The following PPP2R2B variants were observed in gnomAD, a reference collection of about 807,000 sequenced individuals.
PPP2R2B encodes serine/threonine-protein phosphatase 2A 55 kDa regulatory subunit B beta isoform.
A neutral mutation model predicts 46.0 loss-of-function variants in PPP2R2B; 5 were observed. The ratio of observed to expected loss-of-function variants is 0.11; its 90% CI spans 0.06 to 0.23. PPP2R2B has a LOEUF of 0.23. Among genes scored for constraint, PPP2R2B ranks in the 10% least tolerant of loss-of-function variants. PPP2R2B has a pLI of 1.00. For missense variants in PPP2R2B, 367 were observed against 575.0 expected (o/e 0.64, Z 3.70); for synonymous variants, 215 against 206.7 (o/e 1.04, Z -0.34).
At chr5:147,074,845 C>T (rs1056810817) in intron 2 of PPP2R2B, among the ~76,000 whole-genome samples, 24 of 152,234 alleles carry the variant, frequency 1.6e-4, no homozygotes, top group Non-Finnish European at 2.6e-4. Context: ...TAGAGTACCT[C>T]ATCCTTCCCT....
chr5:146,740,407 G>C (rs1402117391), intron 2 of PPP2R2B, among the ~76,000 whole-genome samples: 2 of 152,134 alleles, frequency 1.3e-5, no homozygotes, highest in Non-Finnish European at 2.9e-5. Context: ...TAAATAAGGA[G>C]CTTTGAAACC....
intron 2 of PPP2R2B, among the ~76,000 whole-genome samples, chr5:146,868,075 A>G (rs1048489667): frequency 6.6e-6 from 1 of 152,348 alleles, no homozygotes; most frequent in East Asian, 1.9e-4. Flanking sequence ...GTGTGGCAAG[A>G]TGAGCAGCAC....
At chr5:146,795,367 G>A (rs1002776183) in intron 2 of PPP2R2B, among the ~76,000 whole-genome samples, 3 of 152,074 alleles carry the variant, frequency 2.0e-5, no homozygotes, top group African/African-American at 4.8e-5. Context: ...CTTAAAAAAG[G>A]AAACCCTCCC....
chr5:146,906,620 C>A (rs915216587), intron 1 of PPP2R2B, among the ~76,000 whole-genome samples: 4 of 152,156 alleles, frequency 2.6e-5, no homozygotes, highest in Non-Finnish European at 5.9e-5. Flanking sequence ...CCGCACCTGG[C>A]CTTTTTCTTT....
intron 2 of PPP2R2B, among the ~76,000 whole-genome samples, chr5:146,768,230 T>C (rs1486571065): frequency 2.6e-5 from 4 of 152,046 alleles, no homozygotes; most frequent in African/African-American, 9.7e-5. Flanking sequence ...CATGCCACCA[T>C]ACCCAGCTAA....
At chr5:146,957,202 A>G (rs562069017) in intron 1 of PPP2R2B, among the ~76,000 whole-genome samples, 1 of 152,192 alleles carries the variant, frequency 6.6e-6, no homozygotes, top group Non-Finnish European at 1.5e-5. Flanking sequence ...GGGGACATAC[A>G]CTACCCAGGT....
intron 2 of PPP2R2B, among the ~76,000 whole-genome samples, chr5:146,710,092 C>T (rs765051147): frequency 9.9e-5 from 15 of 152,202 alleles, no homozygotes; most frequent in Non-Finnish European, 2.1e-4. Flanking sequence ...TTTCCTCCTT[C>T]CCCTGCTGTG....
chr5:147,068,666 C>T (rs895576318), intron 2 of PPP2R2B, among the ~76,000 whole-genome samples: 20 of 152,116 alleles, frequency 1.3e-4, no homozygotes, highest in Admixed American at 4.6e-4. Flanking sequence ...TGAGAAGCTG[C>T]GCTTTACATG....
chr5:146,903,619 A>G (rs1582394538), intron 1 of PPP2R2B, among the ~76,000 whole-genome samples: 1 of 152,126 alleles, frequency 6.6e-6, no homozygotes, highest in East Asian at 1.9e-4. Flanking sequence ...ACTGGTCTCA[A>G]ACTCCTGGGT....
chr5:146,923,176 A>G (rs1582434727), intron 1 of PPP2R2B, among the ~76,000 whole-genome samples: 1 of 152,170 alleles, frequency 6.6e-6, no homozygotes, highest in Admixed American at 6.5e-5. Flanking sequence ...TGACACTAAA[A>G]GATTCTCAAT....
At chr5:146,652,810 TG>T (rs1356992996) in intron 5 of PPP2R2B, among the ~76,000 whole-genome samples, 7 of 151,890 alleles carry the variant, frequency 4.6e-5, no homozygotes, top group Non-Finnish European at 1.0e-4. Flanking sequence ...GGGAAAAAAA[TG>T]AAAGGATTTG....
At chr5:146,740,110 A>G (rs1364335498) in intron 2 of PPP2R2B, among the ~76,000 whole-genome samples, 1 of 152,214 alleles carries the variant, frequency 6.6e-6, no homozygotes, top group African/African-American at 2.4e-5. Context: ...GTAGTTTGGG[A>G]GCCCTCTCTA....
At position 146,649,129 on chromosome 5, in the gene PPP2R2B, G is replaced by T. The variant is rs186861185; in HGVS notation, c.625+1418C>A. 7.2e-5 allele frequency among the ~76,000 whole-genome samples: 11 copies of T among 152,292 alleles called. 1 individual carries two copies. In the East Asian group the frequency reaches 2.1e-3, roughly 29 times the overall value. On this transcript the variant is annotated intron_variant, in intron 6 of 9. Coordinates refer to ENST00000394411, the MANE Select transcript of PPP2R2B (RefSeq NM_181675.4). ...CAGTGGCTTATGCTAGTGTAGGTAG[G>T]TAGATAGGGATATATGCGTTGATTT...
intron 1 of PPP2R2B, among the ~76,000 whole-genome samples, chr5:146,932,095 C>T (rs1157385408): frequency 1.3e-5 from 2 of 152,128 alleles, no homozygotes; most frequent in Non-Finnish European, 2.9e-5. Flanking sequence ...TTTAGATTGG[C>T]CCACCCATTC....
intron 7 of PPP2R2B, among the ~76,000 whole-genome samples, chr5:146,632,585 G>T (rs1774515710): frequency 6.6e-6 from 1 of 151,934 alleles, no homozygotes; most frequent in Non-Finnish European, 1.5e-5. Context: ...CATAAAGATT[G>T]TATTCCAGTC....
At chr5:146,591,797 C>CTACT (rs1290152733) in intron 9 of PPP2R2B, among the ~76,000 whole-genome samples, 1 of 151,856 alleles carries the variant, frequency 6.6e-6, no homozygotes, top group Admixed American at 6.6e-5. Context: ...TTTGTCTCTA[C>CTACT]TACTTACTAC....
At chr5:146,851,200 AT>A (rs932045847) in intron 2 of PPP2R2B, among the ~76,000 whole-genome samples, 4 of 152,072 alleles carry the variant, frequency 2.6e-5, no homozygotes, top group Non-Finnish European at 5.9e-5. Context: ...TTATTAAGTA[AT>A]TTTTCTTTAT....
chr5:146,995,097 G>A (rs1753866189), intron 1 of PPP2R2B, among the ~76,000 whole-genome samples: 1 of 152,090 alleles, frequency 6.6e-6, no homozygotes, highest in African/African-American at 2.4e-5. Flanking sequence ...TGTTCCCTTT[G>A]TACAAAATAA....
intron 1 of PPP2R2B, among the ~76,000 whole-genome samples, chr5:146,926,826 C>T (rs920096607): frequency 5.9e-5 from 9 of 152,206 alleles, no homozygotes; most frequent in Admixed American, 1.3e-4. Flanking sequence ...TCTCTTCAGT[C>T]TCCACTGCCC....
Sources: gnomAD v4.1 joint callset for allele counts (sites outside exome capture counted in the v4.1 genomes callset) on GRCh38, gnomAD v4.1.1 for gene constraint, MANE v1.5 for transcripts, NCBI Gene and HGNC (gene_info 2026-07-23, HGNC 2026-07-21) for gene names.